Variants in BOC observed in about 807,000 individuals in gnomAD.
The protein encoded by BOC is BOC cell adhesion associated, oncogene regulated.
BOC carries 76 observed loss-of-function variants against 112.0 expected under a neutral mutation model. The ratio of observed to expected loss-of-function variants is 0.68; its 90% CI spans 0.56 to 0.82. BOC has a LOEUF of 0.82. Ranked by LOEUF, BOC falls within the 40% of genes least tolerant of loss-of-function variation. The pLI, the probability that BOC is intolerant of heterozygous loss-of-function variation, is 0.00. For missense variants in BOC, 1,309 were observed against 1,511.7 expected (o/e 0.87, Z 2.22); for synonymous variants, 580 against 599.8 (o/e 0.97, Z 0.48).
intron 4 of BOC, among the ~76,000 whole-genome samples, chr3:113,262,579 GC>G (rs1375572883): frequency 1.3e-5 from 2 of 152,172 alleles, no homozygotes; most frequent in Non-Finnish European, 2.9e-5. Flanking sequence ...CTTCTGAGAT[GC>G]CTGCCCAGCC....
At position 113,223,639 on chromosome 3, in the gene BOC, G is replaced by A. The variant is rs116082916; in HGVS notation, c.-82+7365G>A. Among the ~76,000 whole-genome samples, 577 of 151,926 alleles carry A rather than the reference G, an allele frequency of 3.8e-3. 1 individual carries two copies. The highest frequency in any genetic ancestry group is 0.013 in the African/African-American group (557 of 41,404). On this transcript the variant is annotated intron_variant, in intron 2 of 19. Transcript: ENST00000682979. ...CTCCCTCCCCCAGCCCCTGGCAACC[G>A]CTGATCTACTATTGTCTCTCTAGTT...
At chr3:113,240,861 TC>T (rs1486485254) in intron 2 of BOC, among the ~76,000 whole-genome samples, 1 of 152,106 alleles carries the variant, frequency 6.6e-6, no homozygotes, top group African/African-American at 2.4e-5. Context: ...AAGCCTGACT[TC>T]CAGCAGATAT....
intron 4 of BOC, among the ~76,000 whole-genome samples, chr3:113,264,896 C>T (rs1947299391): frequency 6.6e-6 from 1 of 152,188 alleles, no homozygotes; most frequent in African/African-American, 2.4e-5. Flanking sequence ...CAGGAAGGCT[C>T]GCCTGCCAGT....
intron 2 of BOC, among the ~76,000 whole-genome samples, chr3:113,226,297 C>T (rs867994018): frequency 2.6e-5 from 4 of 152,164 alleles, no homozygotes; most frequent in East Asian, 1.9e-4. Flanking sequence ...GTGCAGAGAG[C>T]GCAGAATGGG....
intron 4 of BOC, among the ~76,000 whole-genome samples, chr3:113,266,375 A>G (rs1947482248): frequency 1.3e-5 from 2 of 152,226 alleles, no homozygotes; most frequent in East Asian, 1.9e-4. Context: ...TGTATTTCTT[A>G]CAGCACATTT....
At chr3:113,255,998 C>G (rs1946186966) in intron 4 of BOC, among the ~76,000 whole-genome samples, 1 of 152,232 alleles carries the variant, frequency 6.6e-6, no homozygotes, top group Non-Finnish European at 1.5e-5. Context: ...TTTAGACTGA[C>G]TGCCACAGCT....
chr3:113,266,268 A>G (rs938983548), intron 4 of BOC, among the ~76,000 whole-genome samples: 1 of 152,204 alleles, frequency 6.6e-6, no homozygotes, highest in Admixed American at 6.5e-5. Context: ...GGTACATGAG[A>G]TGTTTTGATA....
chr3:113,259,357 G>C (rs141634196), intron 4 of BOC, among the ~76,000 whole-genome samples: 10 of 152,308 alleles, frequency 6.6e-5, no homozygotes, highest in African/African-American at 2.4e-4. Flanking sequence ...GTAGTATGTT[G>C]ATTCAGTGAG....
chr3:113,246,448 A>G (rs1466553461), intron 2 of BOC, among the ~76,000 whole-genome samples: 5 of 152,202 alleles, frequency 3.3e-5, no homozygotes, highest in Non-Finnish European at 7.3e-5. Flanking sequence ...CACTGCAATT[A>G]GGTTCTCCAG....
At chr3:113,259,500 G>A (rs948292934) in intron 4 of BOC, among the ~76,000 whole-genome samples, 2 of 152,170 alleles carry the variant, frequency 1.3e-5, no homozygotes, top group African/African-American at 4.8e-5. Flanking sequence ...AAAACCAAGA[G>A]AGCAAATGAG....
intron 2 of BOC, among the ~76,000 whole-genome samples, chr3:113,246,883 G>C (rs1944983488): frequency 6.6e-6 from 1 of 152,120 alleles, no homozygotes; most frequent in Admixed American, 6.6e-5. Context: ...TTTGAAAGCA[G>C]GATGGTGGCT....
chr3:113,257,054 G>A (rs548522278), intron 4 of BOC, among the ~76,000 whole-genome samples: 7 of 152,306 alleles, frequency 4.6e-5, no homozygotes, highest in Admixed American at 2.0e-4. Flanking sequence ...GTTGACACAT[G>A]AAATTAACCA....
At chr3:113,230,865 T>C (rs1942502812) in intron 2 of BOC, among the ~76,000 whole-genome samples, 1 of 152,208 alleles carries the variant, frequency 6.6e-6, no homozygotes, top group Non-Finnish European at 1.5e-5. Flanking sequence ...AAACTAAGTA[T>C]TAGATGGTAT....
Position 113,253,990 on chromosome 3 carries a change from A to T in BOC, c.376+3157A>T, listed in dbSNP as rs116976801. ...ACCTTTTATTGTTTGGGAAAGGGAG[A>T]GTTGGAGAGTGGAAGATTTATCTTG... On this transcript the variant is annotated intron_variant, in intron 4 of 19. Coordinates refer to ENST00000682979, the MANE Select transcript of BOC (RefSeq NM_001378074.1). Among the ~76,000 whole-genome samples, 5 of 152,220 alleles carry T rather than the reference A, an allele frequency of 3.3e-5. 1 individual carries two copies. In the East Asian group the frequency reaches 9.7e-4, roughly 29 times the overall value.
chr3:113,219,532 G>A (rs1197032821), intron 2 of BOC, among the ~76,000 whole-genome samples: 1 of 152,230 alleles, frequency 6.6e-6, no homozygotes, highest in Non-Finnish European at 1.5e-5. Context: ...GAGCCAAGAT[G>A]TCATTGCAGG....
rs987325419 is a variant in BOC at position 113,285,366 on chromosome 3, C to T, written c.2967-6C>T. The T allele has an allele frequency of 1.7e-5, 27 of 1,612,268 alleles. No homozygotes were observed. Among genetic ancestry groups the T allele is most frequent in the Non-Finnish European group, 2.3e-5 (27 of 1,179,788 alleles). ...CCACCTCCCCATCTGGGCTTGTGCACTGCAGGGGTCCCAAGTCTAGCCCGG... is the reference window on the plus strand; with the variant it reads ...CCACCTCCCCATCTGGGCTTGTGCATTGCAGGGGTCCCAAGTCTAGCCCGG... On this transcript the variant is annotated splice_region_variant and splice_polypyrimidine_tract_variant and intron_variant, in intron 18 of 19. Coordinates refer to ENST00000682979, the MANE Select transcript of BOC (RefSeq NM_001378074.1).
chr3:113,241,415 C>A (rs901858925), intron 2 of BOC, among the ~76,000 whole-genome samples: 2 of 152,078 alleles, frequency 1.3e-5, no homozygotes, highest in Admixed American at 1.3e-4. Context: ...TGCTGCAGCC[C>A]TCTCCCCCTC....
At chr3:113,214,194 A>G (rs1005819474) in intron 1 of BOC, among the ~76,000 whole-genome samples, 1 of 151,912 alleles carries the variant, frequency 6.6e-6, no homozygotes, top group Non-Finnish European at 1.5e-5. Flanking sequence ...TGGTGAGCCA[A>G]CTCTTGGTAA....
Position 113,252,960 on chromosome 3 carries a change from C to T in BOC, c.376+2127C>T, listed in dbSNP as rs374144971. 2.6e-5 allele frequency among the ~76,000 whole-genome samples: 4 copies of T among 152,102 alleles called. No homozygotes were observed. The East Asian group carries it at 5.8e-4, about 22-fold the overall frequency. Reference sequence around the variant, plus strand: ...AGGGTGCAGAGGGGTCATCTCATCACGTCAAGAAGGGCTGAGGTCAGAACT... The same window carrying T: ...AGGGTGCAGAGGGGTCATCTCATCATGTCAAGAAGGGCTGAGGTCAGAACT... On this transcript the variant is annotated intron_variant, in intron 4 of 19. Transcript: ENST00000682979.
Sources: allele counts gnomAD v4.1 joint callset (sites outside exome capture counted in the v4.1 genomes callset), GRCh38; gene constraint gnomAD v4.1.1; transcripts MANE v1.5; gene names NCBI Gene and HGNC (gene_info 2026-07-23, HGNC 2026-07-21).